The following ZNF804B variants were observed in gnomAD, a reference collection of about 807,000 sequenced individuals.
ZNF804B encodes the protein zinc finger protein 804B.
A neutral mutation model predicts 101.4 loss-of-function variants in ZNF804B; 80 were observed. The ratio of observed to expected loss-of-function variants is 0.79; its 90% CI spans 0.66 to 0.95. The LOEUF is 0.95. Among genes scored for constraint, ZNF804B ranks in the 40% least tolerant of loss-of-function variants. The pLI is 0.00. For missense variants in ZNF804B, 1,673 were observed against 1,561.9 expected, an observed-to-expected ratio of 1.07 and a Z score of -1.20; for synonymous variants, 622 against 558.8, an observed-to-expected ratio of 1.11 and a Z score of -1.59.
At chr7:89,147,499 A>C (rs1428323739) in intron 1 of ZNF804B, among the ~76,000 whole-genome samples, 1 of 152,092 alleles carries the variant, frequency 6.6e-6, no homozygotes, top group Non-Finnish European at 1.5e-5. Context: ...TTGAATGTAG[A>C]AACTAGCAAT....
chr7:89,054,106 G>T (rs1789254133), intron 1 of ZNF804B, among the ~76,000 whole-genome samples: 1 of 151,900 alleles, frequency 6.6e-6, no homozygotes. Flanking sequence ...TTCTAAGCCT[G>T]ATCTCCTTGG....
intron 1 of ZNF804B, among the ~76,000 whole-genome samples, chr7:89,154,540 T>G (rs758959383): frequency 1.3e-5 from 2 of 152,074 alleles, no homozygotes; most frequent in African/African-American, 2.4e-5. Flanking sequence ...TAAAAAACAA[T>G]GAGATCCTGT....
intron 1 of ZNF804B, among the ~76,000 whole-genome samples, chr7:88,772,653 A>G (rs1482870417): frequency 6.6e-6 from 1 of 152,214 alleles, no homozygotes; most frequent in South Asian, 2.1e-4. Flanking sequence ...TCATTAAGTC[A>G]TGAATATTAA....
intron 1 of ZNF804B, among the ~76,000 whole-genome samples, chr7:89,192,342 A>G (rs1211312371): frequency 6.6e-6 from 1 of 151,922 alleles, no homozygotes. Flanking sequence ...ACCACTGAAA[A>G]CAAGCTAATT....
At chr7:88,945,576 C>T (rs1793116248) in intron 1 of ZNF804B, among the ~76,000 whole-genome samples, 3 of 136,946 alleles carry the variant, frequency 2.2e-5, no homozygotes, top group South Asian at 4.9e-4. Flanking sequence ...TATATGGGCT[C>T]TGTTTTGGTT....
chr7:88,992,876 A>G (rs2116156717), intron 1 of ZNF804B, among the ~76,000 whole-genome samples: 1 of 152,202 alleles, frequency 6.6e-6, no homozygotes, highest in African/African-American at 2.4e-5. Context: ...TAATCAAAAT[A>G]GTCCTTCTCA....
chr7:89,002,891 A>G (rs1788309475), intron 1 of ZNF804B, among the ~76,000 whole-genome samples: 1 of 152,026 alleles, frequency 6.6e-6, no homozygotes, highest in Non-Finnish European at 1.5e-5. Context: ...TGTAAGTACA[A>G]TTTGAGTCTA....
At chr7:89,314,727 TAGTA>T (rs1790695644) in intron 2 of ZNF804B, among the ~76,000 whole-genome samples, 1 of 152,202 alleles carries the variant, frequency 6.6e-6, no homozygotes, top group East Asian at 1.9e-4. Flanking sequence ...GGCTCAAGGT[TAGTA>T]AGTGACAGAA....
intron 2 of ZNF804B, among the ~76,000 whole-genome samples, chr7:89,290,164 A>G (rs1328191555): frequency 3.3e-5 from 5 of 152,150 alleles, no homozygotes; most frequent in Non-Finnish European, 7.4e-5. Context: ...AGGAGGATCT[A>G]TCACTTCCTA....
In ZNF804B at chr7:88,863,765, G is replaced by A. The variant is rs907891168; in HGVS notation, c.108+103681G>A. On this transcript the variant is annotated intron_variant, in intron 1 of 3. Transcript: ENST00000333190. ...ATGCCAATCACAGGAGGGCCAGGTG[G>A]CAGAACTTTCAAGGAAAGGGAAAGG... Among the ~76,000 whole-genome samples the A allele has an allele frequency of 7.2e-5, 11 of 152,274 alleles. No individual in the cohort carries two copies. The East Asian group carries it at 2.1e-3, about 29-fold the overall frequency.
chr7:88,767,348 C>T (rs890589225), intron 1 of ZNF804B, among the ~76,000 whole-genome samples: 1 of 152,242 alleles, frequency 6.6e-6, no homozygotes, highest in Non-Finnish European at 1.5e-5. Flanking sequence ...TTACTCAGCA[C>T]TTCACTTGTC....
At chr7:88,846,545 G>C (rs796894061) in intron 1 of ZNF804B, among the ~76,000 whole-genome samples, 1 of 152,126 alleles carries the variant, frequency 6.6e-6, no homozygotes, top group South Asian at 2.1e-4. Flanking sequence ...CTCAAGGCCT[G>C]GCACAGTCAG....
chr7:89,333,922 C>A lies in ZNF804B; in HGVS notation c.940C>A (p.Leu314Ile), dbSNP rs754165461. 5 of 1,613,386 alleles carry A rather than the reference C, an allele frequency of 3.1e-6. No homozygotes were observed. The highest frequency in any genetic ancestry group is 4.2e-6 in the Non-Finnish European group (5 of 1,179,698). Reference protein sequence around the residue: ...QDKHDSIDETLEDSIGIHASF... With the variant: ...QDKHDSIDETIEDSIGIHASF... Reference sequence around the variant, plus strand: ...CAAACACGACTCTATTGATGAGACACTAGAAGATTCAATTGGCATTCATGC... The same window carrying A: ...CAAACACGACTCTATTGATGAGACAATAGAAGATTCAATTGGCATTCATGC... Residue 314 changes from leucine to isoleucine, a missense_variant, in exon 4 of 4, where the codon CTA becomes ATA. Coordinates refer to ENST00000333190, the MANE Select transcript of ZNF804B (RefSeq NM_181646.5).
At chr7:88,775,820 T>C (rs1341454335) in intron 1 of ZNF804B, among the ~76,000 whole-genome samples, 1 of 152,226 alleles carries the variant, frequency 6.6e-6, no homozygotes, top group Non-Finnish European at 1.5e-5. Context: ...TGTCTCTTTC[T>C]ATATTTATTT....
chr7:88,812,594 T>C (rs745462207), intron 1 of ZNF804B, among the ~76,000 whole-genome samples: 2 of 152,158 alleles, frequency 1.3e-5, no homozygotes, highest in Non-Finnish European at 2.9e-5. Context: ...TCACAATAGC[T>C]AAGAAGTGGA....
chr7:89,142,579 G>A (rs1460360568), intron 1 of ZNF804B, among the ~76,000 whole-genome samples: 2 of 151,758 alleles, frequency 1.3e-5, no homozygotes, highest in East Asian at 1.9e-4. Context: ...TATAATTCTT[G>A]GAGTAAATTT....
chr7:89,193,889 C>T (rs1034708115), intron 1 of ZNF804B, among the ~76,000 whole-genome samples: 2 of 152,126 alleles, frequency 1.3e-5, no homozygotes, highest in South Asian at 2.1e-4. Flanking sequence ...AATCGCCACA[C>T]TGACTTCCAC....
At chr7:88,983,024 A>C (rs1344495893) in intron 1 of ZNF804B, among the ~76,000 whole-genome samples, 1 of 152,040 alleles carries the variant, frequency 6.6e-6, no homozygotes, top group Non-Finnish European at 1.5e-5. Flanking sequence ...AGCAGTTCTC[A>C]TTCCAAAAAT....
chr7:89,025,300 A>G (rs1268358629), intron 1 of ZNF804B, among the ~76,000 whole-genome samples: 2 of 152,080 alleles, frequency 1.3e-5, no homozygotes, highest in Non-Finnish European at 2.9e-5. Flanking sequence ...GTTATTTGTA[A>G]TGAGTTAAAG....
Sources: allele counts gnomAD v4.1 joint callset (sites outside exome capture counted in the v4.1 genomes callset), GRCh38; gene constraint gnomAD v4.1.1; transcripts MANE v1.5; gene names NCBI Gene and HGNC (gene_info 2026-07-23, HGNC 2026-07-21).